The following KCND2 variants were observed in gnomAD, a reference collection of about 807,000 sequenced individuals.
KCND2 encodes A-type voltage-gated potassium channel KCND2.
In KCND2, 16 loss-of-function variants were observed where a neutral mutation model predicts 54.4. The observed-to-expected ratio is 0.29, with a 90% CI of 0.20 to 0.45. KCND2 has a LOEUF of 0.45. KCND2 is among the 20% of genes least tolerant of loss of function. The probability of loss-of-function intolerance (pLI) is 1.00; values close to 1 mark genes in which losing one functional copy is unlikely to be tolerated. For synonymous variants in KCND2, 317 were observed against 310.7 expected, an observed-to-expected ratio of 1.02 and a Z score of -0.21; for missense variants, 486 against 824.2, an observed-to-expected ratio of 0.59 and a Z score of 5.02.
chr7:120,617,345 T>G (rs1259136316), intron 1 of KCND2, among the ~76,000 whole-genome samples: 1 of 152,122 alleles, frequency 6.6e-6, no homozygotes, highest in African/African-American at 2.4e-5. Context: ...GAACAGACAC[T>G]TCTCAAAAGA....
At chr7:120,480,245 A>T (rs141130235) in intron 1 of KCND2, among the ~76,000 whole-genome samples, 130 of 152,260 alleles carry the variant, frequency 8.5e-4, no homozygotes, top group African/African-American at 2.9e-3. Flanking sequence ...TGGTTTGCAT[A>T]AATACCCCCT....
At chr7:120,286,613 A>G (rs1478650359) in intron 1 of KCND2, among the ~76,000 whole-genome samples, 1 of 152,018 alleles carries the variant, frequency 6.6e-6, no homozygotes, top group Non-Finnish European at 1.5e-5. Context: ...GGAAATAATT[A>G]CTGAAGAGTT....
At chr7:120,451,870 A>G (rs990226271) in intron 1 of KCND2, among the ~76,000 whole-genome samples, 5 of 152,262 alleles carry the variant, frequency 3.3e-5, no homozygotes, top group African/African-American at 7.2e-5. Context: ...AAGAATTTTC[A>G]AACAGCAGGT....
At chr7:120,297,170 C>T (rs1051902578) in intron 1 of KCND2, among the ~76,000 whole-genome samples, 1 of 151,916 alleles carries the variant, frequency 6.6e-6, no homozygotes. Context: ...TATTCACTTC[C>T]CCCCCAGCTC....
chr7:120,342,719 G>C (rs963596724), intron 1 of KCND2, among the ~76,000 whole-genome samples: 3 of 151,996 alleles, frequency 2.0e-5, no homozygotes, highest in Admixed American at 1.3e-4. Flanking sequence ...TGCATAAAAT[G>C]ATTATTTAGA....
At chr7:120,687,618 C>T (rs1792220154) in intron 1 of KCND2, among the ~76,000 whole-genome samples, 1 of 151,840 alleles carries the variant, frequency 6.6e-6, no homozygotes, top group Admixed American at 6.6e-5. Flanking sequence ...GAGTCTGAGA[C>T]CAGCCTGGGG....
intron 1 of KCND2, among the ~76,000 whole-genome samples, chr7:120,438,196 G>A (rs1020590062): frequency 6.6e-5 from 10 of 152,240 alleles, no homozygotes; most frequent in Admixed American, 2.6e-4. Flanking sequence ...ATTTGGCAGC[G>A]CATGATCAAG....
chr7:120,541,639 T>C (rs1276284630), intron 1 of KCND2, among the ~76,000 whole-genome samples: 4 of 151,430 alleles, frequency 2.6e-5, no homozygotes, highest in Non-Finnish European at 5.9e-5. Flanking sequence ...AGACAGACCA[T>C]GGTCAACTCA....
rs545338662 is a variant in KCND2, at chr7:120,367,661, A to G, written c.1115+91914A>G. 3.3e-4 allele frequency among the ~76,000 whole-genome samples: 49 copies of G among 149,944 alleles called. No individual in the cohort carries two copies. The South Asian group carries it at 0.01, about 32-fold the overall frequency. Reference sequence around the variant, plus strand: ...TTTTTCTTTTTTTTTTTAATGAAGGAGGGATTTATTGCAAAATTTTAGAAA... The same window carrying G: ...TTTTTCTTTTTTTTTTTAATGAAGGGGGGATTTATTGCAAAATTTTAGAAA... On this transcript the variant is annotated intron_variant, in intron 1 of 5. Coordinates refer to ENST00000331113, the MANE Select transcript of KCND2 (RefSeq NM_012281.3).
intron 1 of KCND2, among the ~76,000 whole-genome samples, chr7:120,342,463 A>C (rs999768866): frequency 1.3e-5 from 2 of 152,162 alleles, no homozygotes; most frequent in Non-Finnish European, 2.9e-5. Flanking sequence ...TAAATGATTC[A>C]TGAACTCATT....
chr7:120,570,376 TA>T (rs1467361610), intron 1 of KCND2, among the ~76,000 whole-genome samples: 1 of 151,230 alleles, frequency 6.6e-6, no homozygotes, highest in Non-Finnish European at 1.5e-5. Flanking sequence ...TATATCCACG[TA>T]ATACAACTGC....
chr7:120,505,805 G>A (rs550931702), intron 1 of KCND2, among the ~76,000 whole-genome samples: 16 of 151,854 alleles, frequency 1.1e-4, no homozygotes, highest in African/African-American at 3.9e-4. Flanking sequence ...CATAAGGCCT[G>A]ACCTGCTCAC....
At chr7:120,381,177 C>A (rs1015701622) in intron 1 of KCND2, among the ~76,000 whole-genome samples, 16 of 151,956 alleles carry the variant, frequency 1.1e-4, no homozygotes, top group African/African-American at 3.9e-4. Flanking sequence ...ATCGCTTGAA[C>A]CCAGGAGGTG....
chr7:120,375,727 A>G (rs958594998), intron 1 of KCND2, among the ~76,000 whole-genome samples: 3 of 151,808 alleles, frequency 2.0e-5, no homozygotes, highest in African/African-American at 7.3e-5. Context: ...ACGAAGCTCA[A>G]GTTTATAAAT....
intron 1 of KCND2, among the ~76,000 whole-genome samples, chr7:120,670,244 A>AT (rs1791975544): frequency 6.6e-6 from 1 of 152,100 alleles, no homozygotes; most frequent in African/African-American, 2.4e-5. Flanking sequence ...CCAGCGTATC[A>AT]TTTTTTCAGG....
Position 120,274,511 on chromosome 7 carries a change from C to A in KCND2, c.-122C>A. On this transcript the variant is annotated 5_prime_UTR_variant, in exon 1 of 6. Coordinates refer to ENST00000331113, the MANE Select transcript of KCND2 (RefSeq NM_012281.3). ...GAGCCCTATCTTGGAATAAGAGTTA[C>A]ACCTCTGGACCACGTTTCTCACTAG... is the stretch of plus-strand genomic sequence containing the variant. The A allele has an allele frequency of 9.2e-7, 1 of 1,092,782 alleles. No homozygotes were observed. Among genetic ancestry groups the A allele is most frequent in the Non-Finnish European group, 1.4e-6 (1 of 713,280 alleles). 67.7% of individuals were successfully genotyped at this position (1,092,782 alleles called of 1,614,324 possible). A position where few individuals can be genotyped will look rare whatever the true frequency, so the allele number is the denominator to read the frequency against.
intron 1 of KCND2, among the ~76,000 whole-genome samples, chr7:120,423,808 A>G (rs1015594868): frequency 6.6e-6 from 1 of 152,160 alleles, no homozygotes; most frequent in Non-Finnish European, 1.5e-5. Flanking sequence ...GGCATTTTAA[A>G]ATTTGGCTTT....
At chr7:120,356,503 G>T (rs1453138853) in intron 1 of KCND2, among the ~76,000 whole-genome samples, 5 of 152,124 alleles carry the variant, frequency 3.3e-5, no homozygotes, top group Non-Finnish European at 7.4e-5. Context: ...GGTGAGAAAT[G>T]ATGTGATCAT....
chr7:120,457,062 T>C (rs1802210319), intron 1 of KCND2, among the ~76,000 whole-genome samples: 1 of 152,210 alleles, frequency 6.6e-6, no homozygotes, highest in African/African-American at 2.4e-5. Flanking sequence ...GCCTGAGGTA[T>C]ACATTCGCCC....
Sources: allele counts gnomAD v4.1 joint callset (sites outside exome capture counted in the v4.1 genomes callset), GRCh38; gene constraint gnomAD v4.1.1; transcripts MANE v1.5; gene names NCBI Gene and HGNC (gene_info 2026-07-23, HGNC 2026-07-21).